The following DLC1 variants were observed in gnomAD, a reference collection of about 807,000 sequenced individuals.
The protein encoded by DLC1 is DLC1 Rho GTPase activating protein, also known as rho GTPase-activating protein 7.
In DLC1, 54 loss-of-function variants were observed where a neutral mutation model predicts 140.3. The observed-to-expected ratio is 0.38, with a 90% CI of 0.31 to 0.48. DLC1 has a LOEUF of 0.48. DLC1 is among the 20% of genes least tolerant of loss of function. The pLI, the probability that DLC1 is intolerant of heterozygous loss-of-function variation, is 0.96. For missense variants in DLC1, 2,536 were observed against 1,907.0 expected (o/e 1.33, Z -6.14); for synonymous variants, 986 against 728.1 (o/e 1.35, Z -5.70).
chr8:13,164,975 C>G (rs187137118), intron 5 of DLC1, among the ~76,000 whole-genome samples: 1 of 151,978 alleles, frequency 6.6e-6, no homozygotes, highest in African/African-American at 2.4e-5. Flanking sequence ...CCTTTGTAGC[C>G]CCGGATATCA....
intron 1 of DLC1, chr8:13,567,011 T>G: frequency 6.5e-7 from 1 of 1,549,714 alleles, no homozygotes. Flanking sequence ...TGCCCAGAAT[T>G]GGCCCAAACG....
At chr8:13,462,205 A>C (rs1305736312) in intron 2 of DLC1, among the ~76,000 whole-genome samples, 1 of 152,086 alleles carries the variant, frequency 6.6e-6, no homozygotes, top group Non-Finnish European at 1.5e-5. Context: ...AATTCTATCC[A>C]AACTCATTCA....
Position 13,522,559 on chromosome 8 carries a change from A to T in DLC1, c.-125-22363T>A, listed in dbSNP as rs1040317280. Among the ~76,000 whole-genome samples the T allele has an allele frequency of 2.0e-5, 3 of 152,140 alleles. No homozygotes were observed. In the South Asian group the frequency reaches 6.2e-4, roughly 31 times the overall value. On this transcript the variant is annotated intron_variant, in intron 1 of 1. Transcript: ENST00000631382. Reference sequence around the variant, plus strand: ...AGAATCGCTTGAACCCAGGAGACAGAGGTTGAAGTGAGCCAAGATTGTGCC... The same window carrying T: ...AGAATCGCTTGAACCCAGGAGACAGTGGTTGAAGTGAGCCAAGATTGTGCC...
chr8:13,271,044 C>G (rs1468634061), intron 5 of DLC1, among the ~76,000 whole-genome samples: 4 of 152,190 alleles, frequency 2.6e-5, no homozygotes, highest in African/African-American at 9.7e-5. Flanking sequence ...GGTCAACTCT[C>G]TAAGCCACTA....
intron 2 of DLC1, among the ~76,000 whole-genome samples, chr8:13,429,788 G>C (rs114225013): frequency 0.029 from 4,437 of 152,142 alleles, 213 homozygotes; most frequent in African/African-American, 0.1. Context: ...TTTCAGCTAC[G>C]TATAACTTAA....
intron 4 of DLC1, among the ~76,000 whole-genome samples, chr8:13,356,769 A>G (rs1334385869): frequency 6.6e-6 from 1 of 152,170 alleles, no homozygotes; most frequent in Non-Finnish European, 1.5e-5. Context: ...CACATCAATA[A>G]CAGGAATTGG....
Position 13,459,690 on chromosome 8 carries a change from A to C in DLC1, c.1023+39359T>G, listed in dbSNP as rs1446685430. ...AACTTCTCCCGCACAGCCAAGTTCC[A>C]GAAGGGCTGCTGTTATGATTTCCCT... On this transcript the variant is annotated intron_variant, in intron 2 of 17. Coordinates refer to ENST00000276297, the MANE Select transcript of DLC1 (RefSeq NM_182643.3). Among the ~76,000 whole-genome samples, 4 of 152,210 alleles carry C rather than the reference A, an allele frequency of 2.6e-5. No individual in the cohort carries two copies. In the East Asian group the frequency reaches 5.8e-4, roughly 22 times the overall value.
chr8:13,353,927 C>G (rs1834799994), intron 4 of DLC1, among the ~76,000 whole-genome samples: 1 of 151,602 alleles, frequency 6.6e-6, no homozygotes, highest in Non-Finnish European at 1.5e-5. Flanking sequence ...TGGCATAGTT[C>G]TTGATTTATT....
intron 7 of DLC1, among the ~76,000 whole-genome samples, chr8:13,109,924 A>G (rs1176272542): frequency 6.6e-6 from 1 of 152,138 alleles, no homozygotes; most frequent in African/African-American, 2.4e-5. Flanking sequence ...AAAAAACAAA[A>G]ACAAAAAAAC....
chr8:13,477,278 C>A (rs953124251), intron 2 of DLC1, among the ~76,000 whole-genome samples: 1 of 152,090 alleles, frequency 6.6e-6, no homozygotes, highest in African/African-American at 2.4e-5. Flanking sequence ...AAGAAGACAG[C>A]GTGGAAGATG....
chr8:13,246,874 C>A (rs928082551), intron 5 of DLC1, among the ~76,000 whole-genome samples: 3 of 152,050 alleles, frequency 2.0e-5, no homozygotes, highest in Non-Finnish European at 4.4e-5. Flanking sequence ...CCAATGCACC[C>A]CATCATTTAG....
intron 2 of DLC1, among the ~76,000 whole-genome samples, chr8:13,462,332 C>G (rs78683910): frequency 1.5e-4 from 23 of 151,606 alleles, no homozygotes; most frequent in African/African-American, 5.3e-4. Context: ...CACCTGGGAA[C>G]TTTTCTTTTG....
chr8:13,586,893 G>A (rs550219436), intron 1 of DLC1, among the ~76,000 whole-genome samples: 44 of 152,088 alleles, frequency 2.9e-4, no homozygotes, highest in African/African-American at 1.0e-3. Flanking sequence ...TCATTCTAAG[G>A]TACCAGAAAC....
intron 5 of DLC1, among the ~76,000 whole-genome samples, chr8:13,213,623 C>T (rs2117117751): frequency 6.6e-6 from 1 of 152,246 alleles, no homozygotes; most frequent in South Asian, 2.1e-4. Context: ...TAGCAGCTTC[C>T]TTTTCCCTGT....
chr8:13,505,710 C>T (rs980054953), intron 1 of DLC1, among the ~76,000 whole-genome samples: 3 of 152,090 alleles, frequency 2.0e-5, no homozygotes, highest in African/African-American at 4.8e-5. Context: ...TCTTATGTCA[C>T]CAATGTCAGC....
chr8:13,411,418 G>C (rs368072709), intron 2 of DLC1, among the ~76,000 whole-genome samples: 348 of 152,314 alleles, frequency 2.3e-3, no homozygotes, highest in African/African-American at 8.0e-3. Context: ...CCAGACCATA[G>C]AGGAGTTTTA....
chr8:13,494,761 G>A (rs1251025700), intron 2 of DLC1, among the ~76,000 whole-genome samples: 1 of 152,062 alleles, frequency 6.6e-6, no homozygotes, highest in Admixed American at 6.5e-5. Flanking sequence ...GACCAGGCTG[G>A]CCAACATGGC....
At chr8:13,591,902 T>C (rs930111332) in intron 1 of DLC1, among the ~76,000 whole-genome samples, 6 of 152,132 alleles carry the variant, frequency 3.9e-5, no homozygotes, top group Non-Finnish European at 8.8e-5. Flanking sequence ...GAGAAACCTA[T>C]GGTTTTTTTG....
chr8:13,515,808 T>C (rs564255324), upstream of DLC1: 2 of 152,348 alleles, frequency 1.3e-5, no homozygotes, highest in African/African-American at 4.8e-5. Flanking sequence ...ACTGCAAGTA[T>C]GGCTTTAATT....
Sources: allele counts gnomAD v4.1 joint callset (sites outside exome capture counted in the v4.1 genomes callset), GRCh38; gene constraint gnomAD v4.1.1; transcripts MANE v1.5; gene names NCBI Gene and HGNC (gene_info 2026-07-23, HGNC 2026-07-21).